The following RNLS variants were observed in gnomAD, a reference collection of about 807,000 sequenced individuals.
The protein encoded by RNLS is renalase.
A neutral mutation model predicts 39.8 loss-of-function variants in RNLS; 39 were observed. The observed-to-expected ratio is 0.98, with a 90% confidence interval of 0.76 to 1.28. The LOEUF (loss-of-function observed/expected upper bound fraction) is 1.28. Ranked by LOEUF, RNLS falls within the 50% of genes most tolerant of loss-of-function variation. The pLI, the probability that RNLS is intolerant of heterozygous loss-of-function variation, is 0.00. For missense variants in RNLS, 410 were observed against 413.3 expected, an observed-to-expected ratio of 0.99 and a Z score of 0.07; for synonymous variants, 147 against 150.7, an observed-to-expected ratio of 0.98 and a Z score of 0.18.
chr10:88,403,238 G>A (rs915802867), intron 4 of RNLS, among the ~76,000 whole-genome samples: 2 of 151,982 alleles, frequency 1.3e-5, no homozygotes, highest in African/African-American at 4.8e-5. Flanking sequence ...TATTGCAATT[G>A]CATTTCTATT....
chr10:88,335,924 G>A (rs76421565), intron 5 of RNLS, among the ~76,000 whole-genome samples: 1 of 152,096 alleles, frequency 6.6e-6, no homozygotes, highest in Admixed American at 6.5e-5. Context: ...ACTACTTTGG[G>A]GTTTGGCAAT....
At chr10:88,498,444 C>T (rs1246273765) in intron 4 of RNLS, among the ~76,000 whole-genome samples, 1 of 150,522 alleles carries the variant, frequency 6.6e-6, no homozygotes, top group African/African-American at 2.4e-5. Flanking sequence ...ATCAGAGAAA[C>T]AACTAAACAT....
chr10:88,203,474 A>G, the RNLS span, among the ~76,000 whole-genome samples: 4 of 1,444 alleles, frequency 2.8e-3, no homozygotes, highest in African/African-American at 0.026. Context: ...ATATATATAT[A>G]TATATATATA....
At chr10:88,438,291 G>A (rs1312593855) in intron 4 of RNLS, among the ~76,000 whole-genome samples, 1 of 152,124 alleles carries the variant, frequency 6.6e-6, no homozygotes, top group East Asian at 1.9e-4. Flanking sequence ...GGAGAAAATA[G>A]AAAGAACCTG....
chr10:88,220,467 TATCAAAATAACTTTATTATTAAATGAC>T, the RNLS span, among the ~76,000 whole-genome samples: 1 of 152,200 alleles, frequency 6.6e-6, no homozygotes, highest in African/African-American at 2.4e-5. Context: ...GAAATACAGA[TATCAAAATAACTTTATTATTAAATGAC>T]ATCTGAGAAG....
the RNLS span, among the ~76,000 whole-genome samples, chr10:88,205,634 AAAAAG>A: frequency 1.3e-5 from 2 of 152,194 alleles, no homozygotes; most frequent in Non-Finnish European, 2.9e-5. Context: ...GTACAAAATC[AAAAAG>A]GTCTGGTCCC....
intron 4 of RNLS, among the ~76,000 whole-genome samples, chr10:88,369,983 GC>G (rs1348503035): frequency 6.6e-6 from 1 of 152,134 alleles, no homozygotes; most frequent in Non-Finnish European, 1.5e-5. Context: ...AGTGTGCCCA[GC>G]CCCTTAAATT....
chr10:88,172,731 T>C, the RNLS span, among the ~76,000 whole-genome samples: 22 of 152,080 alleles, frequency 1.4e-4, no homozygotes, highest in Non-Finnish European at 3.1e-4. Context: ...TTTGAAGTCT[T>C]ACTCATAAAA....
intron 5 of RNLS, among the ~76,000 whole-genome samples, chr10:88,354,538 A>T (rs1230369889): frequency 6.6e-6 from 1 of 152,206 alleles, no homozygotes; most frequent in African/African-American, 2.4e-5. Flanking sequence ...AATGTTGAAT[A>T]TTGGCCCCCC....
At chr10:88,475,299 A>G (rs1843749648) in intron 4 of RNLS, among the ~76,000 whole-genome samples, 4 of 152,196 alleles carry the variant, frequency 2.6e-5, no homozygotes, top group African/African-American at 9.6e-5. Flanking sequence ...AATGTTATCA[A>G]ACTCAAGAGA....
At chr10:88,227,344 T>C in the RNLS span, among the ~76,000 whole-genome samples, 15 of 152,166 alleles carry the variant, frequency 9.9e-5, no homozygotes, top group African/African-American at 1.4e-4. Context: ...AAATGAACAA[T>C]AGTTGGGAAT....
intron 4 of RNLS, among the ~76,000 whole-genome samples, chr10:88,375,040 C>G (rs1357561608): frequency 6.6e-6 from 1 of 152,092 alleles, no homozygotes; most frequent in Admixed American, 6.6e-5. Context: ...GTATATATAT[C>G]CTTTTAAAAT....
At chr10:88,232,529 C>T in the RNLS span, among the ~76,000 whole-genome samples, 1 of 152,230 alleles carries the variant, frequency 6.6e-6, no homozygotes, top group Non-Finnish European at 1.5e-5. Flanking sequence ...GATCCTCCCA[C>T]TTTAGCCTCC....
intron 4 of RNLS, among the ~76,000 whole-genome samples, chr10:88,569,483 T>A (rs898008852): frequency 2.0e-5 from 3 of 152,092 alleles, no homozygotes; most frequent in Admixed American, 6.6e-5. Flanking sequence ...CAATTCACAT[T>A]CCTGGCATGA....
At position 88,583,090 on chromosome 10, in the gene RNLS, T is replaced by C. The variant is rs768335094; in HGVS notation, c.101A>G (p.Asp34Gly). The C allele has an allele frequency of 5.6e-6, 9 of 1,613,780 alleles. No individual in the cohort carries two copies. The highest frequency in any genetic ancestry group is 3.3e-5 in the South Asian group (3 of 91,050). ...TSGPLYLAVWDKAEDSGGRMT... is the reference protein window; with the variant it reads ...TSGPLYLAVWGKAEDSGGRMT... ...CAACCCACCTGAGTCCTCAGCCTTG[T>C]CCCACACAGCAAGGTACAAGGGACC... The change falls in exon 1 of 7, where the codon GAC (aspartate) becomes GGC (glycine). Residue 34 changes from aspartate (D) to glycine (G), a missense_variant. Asp to Gly is a moderately conservative substitution (Grantham distance 94, BLOSUM62 -1). Coordinates refer to ENST00000331772, the MANE Select transcript of RNLS (RefSeq NM_001031709.3).
chr10:88,259,891 G>A, the RNLS span, among the ~76,000 whole-genome samples: 6 of 152,000 alleles, frequency 3.9e-5, no homozygotes, highest in Non-Finnish European at 5.9e-5. Flanking sequence ...ACAGGTAAGC[G>A]CCACCACGCC....
At chr10:88,226,672 C>A in the RNLS span, among the ~76,000 whole-genome samples, 1 of 149,124 alleles carries the variant, frequency 6.7e-6, no homozygotes, top group East Asian at 2.0e-4. Flanking sequence ...ATAAGTGATA[C>A]TTTCACCCTC....
intron 4 of RNLS, among the ~76,000 whole-genome samples, chr10:88,427,693 A>G (rs1380338906): frequency 6.6e-6 from 1 of 152,046 alleles, no homozygotes; most frequent in Non-Finnish European, 1.5e-5. Context: ...CAACAACTCC[A>G]TAGAACAGAG....
intron 4 of RNLS, among the ~76,000 whole-genome samples, chr10:88,448,068 T>C (rs1842143948): frequency 6.6e-6 from 1 of 152,208 alleles, no homozygotes; most frequent in Non-Finnish European, 1.5e-5. Flanking sequence ...GAAGAAAGCC[T>C]AGGCAATACC....
Sources: allele counts gnomAD v4.1 joint callset (sites outside exome capture counted in the v4.1 genomes callset), GRCh38; gene constraint gnomAD v4.1.1; transcripts MANE v1.5; gene names NCBI Gene and HGNC (gene_info 2026-07-23, HGNC 2026-07-21).